Variants in WNK3 observed in about 807,000 individuals in gnomAD.
The protein encoded by WNK3 is WNK lysine deficient protein kinase 3, also known as serine/threonine-protein kinase WNK3.
Under a neutral mutation model 116.7 loss-of-function variants are expected in WNK3, and 18 were observed. That is an observed-to-expected ratio of 0.15 (90% CI 0.11 to 0.23). The LOEUF (loss-of-function observed/expected upper bound fraction) is 0.23, where lower values mean the gene tolerates loss of function less well. Ranked by LOEUF, WNK3 falls within the 10% of genes least tolerant of loss-of-function variation. WNK3 has a pLI of 1.00. For synonymous variants in WNK3, 404 were observed against 469.4 expected, an observed-to-expected ratio of 0.86 and a Z score of 1.80; for missense variants, 993 against 1,323.8, an observed-to-expected ratio of 0.75 and a Z score of 3.88.
rs1389237030 is a variant in WNK3, at chrX:54,228,876, T to C, written c.4841-133A>G. 1.1e-5 allele frequency: 4 copies of C among 359,209 alleles called. No homozygotes were observed. In the Admixed American group the frequency reaches 1.5e-4, roughly 14 times the overall value. 29.6% of individuals were successfully genotyped at this position (359,209 alleles called of 1,213,427 possible). ...ATACGAAAACTTACAGTTAACATTA[T>C]AATTTATGGCAAAAGACAGAAGGCT... On this transcript the variant is annotated intron_variant, in intron 21 of 23. Transcript: ENST00000354646.
At chrX:54,223,139 C>T (rs185825182) in intron 22 of WNK3, among the ~76,000 whole-genome samples, 2 of 108,995 alleles carry the variant, frequency 1.8e-5, no homozygotes, top group East Asian at 5.7e-4. Flanking sequence ...AATCAAAAGA[C>T]AGATTGACAG....
chrX:54,222,513 C>G (rs2067775333), intron 22 of WNK3, among the ~76,000 whole-genome samples: 1 of 107,559 alleles, frequency 9.3e-6, no homozygotes, highest in East Asian at 2.9e-4. Context: ...GAGCTATGAT[C>G]ACACCACTGC....
chrX:54,198,563 G>A lies in WNK3; in HGVS notation c.5164C>T (p.Leu1722Phe), dbSNP rs1480036312. Residue 1722 changes from leucine to phenylalanine, a missense_variant, in exon 24 of 24, where the codon CTC (leucine) becomes TTC (phenylalanine). Physicochemically the swap from Leu to Phe is conservative, Grantham distance 22 (BLOSUM62 0). This residue lies in a region of WNK3 where 836 missense variants were observed against 976.5 expected (regional missense o/e 0.86). Transcript: ENST00000354646. ...GGCCCAGGAAATGAAGGGAGTGAGA[G>A]TCCTTGTGGCAAGGAAGTTGGGACA... 2.5e-6 allele frequency: 3 copies of A among 1,210,323 alleles called. No individual in the cohort carries two copies. The Admixed American group carries it at 6.5e-5, about 26-fold the overall frequency.
rs148079069 is a variant in WNK3, at chrX:54,269,344, T to A, written c.2038-10006A>T. Among the ~76,000 whole-genome samples, 996 of 111,778 alleles carry A rather than the reference T, an allele frequency of 8.9e-3. 9 individuals are homozygous for A. Among genetic ancestry groups the A allele is most frequent in the Non-Finnish European group, 0.012 (625 of 53,212 alleles). ...AAAAAACACTCAACATCATTATTTA[T>A]CAGGAAAATGCAAGTTAAAAACCAC... On this transcript the variant is annotated intron_variant, in intron 10 of 23. Transcript: ENST00000354646.
intron 10 of WNK3, among the ~76,000 whole-genome samples, chrX:54,268,188 C>T (rs782147256): frequency 8.4e-5 from 9 of 107,223 alleles, no homozygotes; most frequent in Non-Finnish European, 1.5e-4. Context: ...GCAAACACAC[C>T]CAATACTCAG....
At chrX:54,203,065 AT>A (rs1339331334) in intron 22 of WNK3, among the ~76,000 whole-genome samples, 1 of 111,755 alleles carries the variant, frequency 8.9e-6, no homozygotes, top group Non-Finnish European at 1.9e-5. Flanking sequence ...ATCTCATTTT[AT>A]TTTTTACCGA....
chrX:54,330,000 G>A (rs1303107223), intron 2 of WNK3, among the ~76,000 whole-genome samples: 3 of 111,862 alleles, frequency 2.7e-5, no homozygotes, highest in African/African-American at 9.7e-5. Context: ...AGCATTTTGG[G>A]AAGCCGAAGT....
chrX:54,304,464 C>T (rs1362785327), intron 5 of WNK3, among the ~76,000 whole-genome samples: 3 of 108,778 alleles, frequency 2.8e-5, no homozygotes, highest in Admixed American at 9.9e-5. Context: ...TTGCCTGAGC[C>T]CAGGAAGTCA....
intron 5 of WNK3, among the ~76,000 whole-genome samples, chrX:54,302,392 T>C (rs1193271982): frequency 9.0e-6 from 1 of 110,523 alleles, no homozygotes; most frequent in Non-Finnish European, 1.9e-5. Flanking sequence ...CCCACCTCCC[T>C]GGTTCAAGCA....
intron 10 of WNK3, among the ~76,000 whole-genome samples, chrX:54,271,403 C>T (rs782664940): frequency 2.7e-5 from 3 of 111,288 alleles, no homozygotes; most frequent in East Asian, 2.8e-4. Flanking sequence ...ACGTCAGTTT[C>T]GGATATCCAA....
Position 54,282,036 on chromosome X carries a change from A to C in WNK3, c.2037+10852T>G, listed in dbSNP as rs1200490480. Among the ~76,000 whole-genome samples the C allele has an allele frequency of 9.8e-5, 10 of 101,931 alleles. No individual in the cohort carries two copies. In the Admixed American group the frequency reaches 1.1e-3, roughly 11 times the overall value. 88.5% of individuals were successfully genotyped at this position (101,931 alleles called of 115,157 possible). ...TTTTAATTTTTTGAGGAACTTTCAT[A>C]CTGTTTTGTTTGTTTGTTTTTGAGA... On this transcript the variant is annotated intron_variant, in intron 10 of 23. Coordinates refer to ENST00000354646, the Ensembl canonical transcript of WNK3.
intron 1 of WNK3, among the ~76,000 whole-genome samples, chrX:54,335,534 T>C (rs989875472): frequency 1.8e-5 from 2 of 111,850 alleles, no homozygotes; most frequent in Admixed American, 1.9e-4. Flanking sequence ...GCCTGTATAC[T>C]TCTTACTATG....
At chrX:54,218,143 A>C (rs2067719587) in intron 22 of WNK3, among the ~76,000 whole-genome samples, 2 of 111,619 alleles carry the variant, frequency 1.8e-5, no homozygotes, top group Admixed American at 1.9e-4. Flanking sequence ...ATTGTTTTCA[A>C]CCAAATATGG....
At chrX:54,256,362 G>A (rs782588286) in intron 11 of WNK3, among the ~76,000 whole-genome samples, 2 of 111,930 alleles carry the variant, frequency 1.8e-5, no homozygotes, top group Non-Finnish European at 3.8e-5. Context: ...CAACAGGGTA[G>A]ACCAGGTATG....
chrX:54,314,157 C>T (rs1222610784), intron 2 of WNK3, among the ~76,000 whole-genome samples: 4 of 100,644 alleles, frequency 4.0e-5, no homozygotes, highest in African/African-American at 1.5e-4. Flanking sequence ...CATGCCACTG[C>T]ACTCCAGCCT....
intron 22 of WNK3, among the ~76,000 whole-genome samples, chrX:54,222,875 C>CAA (rs782247481): frequency 6.6e-5 from 3 of 45,204 alleles, no homozygotes; most frequent in Admixed American, 5.7e-4. Context: ...GACTCTGTCT[C>CAA]AAAAAAAAAA....
At chrX:54,244,052 T>C (rs1382293332) in intron 17 of WNK3, among the ~76,000 whole-genome samples, 1 of 111,583 alleles carries the variant, frequency 9.0e-6, no homozygotes, top group Non-Finnish European at 1.9e-5. Context: ...AGAAAGCAGA[T>C]TTGTGGTTGC....
intron 11 of WNK3, among the ~76,000 whole-genome samples, 194 bp downstream of exon 11, chrX:54,259,080 A>G (rs1043894632): frequency 3.7e-5 from 4 of 107,024 alleles, no homozygotes; most frequent in Admixed American, 3.0e-4. Flanking sequence ...ATGATCAATT[A>G]ATTTCACAAT....
At chrX:54,258,277 CAAA>C (rs1177900992) in intron 11 of WNK3, among the ~76,000 whole-genome samples, 1 of 28,016 alleles carries the variant, frequency 3.6e-5, no homozygotes, top group Non-Finnish European at 7.3e-5. Flanking sequence ...GACTCCATCT[CAAA>C]AAAAAAAAAA....
Sources: allele counts gnomAD v4.1 joint callset (sites outside exome capture counted in the v4.1 genomes callset), GRCh38; gene constraint gnomAD v4.1.1; regional missense constraint gnomAD v4.1.1; transcripts MANE v1.5; gene names NCBI Gene and HGNC (gene_info 2026-07-23, HGNC 2026-07-21).